CPED1: variants seen among roughly 807,000 people sequenced by gnomAD.
CPED1 encodes cadherin like and PC-esterase domain containing 1, also known as cadherin-like and PC-esterase domain-containing protein 1.
CPED1 carries 114 observed loss-of-function variants against 128.2 expected under a neutral mutation model. That is an observed-to-expected ratio of 0.89 (90% CI 0.76 to 1.04). The LOEUF is 1.04. CPED1 is among the 50% of genes least tolerant of loss of function. The pLI is 0.00. For synonymous variants in CPED1, 462 were observed against 426.7 expected (o/e 1.08, Z -1.02); for missense variants, 1,211 against 1,207.1 (o/e 1.00, Z -0.05).
rs113095921 is a variant in CPED1, at chr7:120,997,947, T to A, written c.249+8077T>A. On this transcript the variant is annotated intron_variant, in intron 2 of 22. Transcript: ENST00000310396. ...CGAAAAAAAATAAAATAAAATAAAA[T>A]AAAATAAAATAAAATAAAATAAAAT... 3.0e-3 allele frequency among the ~76,000 whole-genome samples: 408 copies of A among 135,354 alleles called. 15 individuals are homozygous for A. The highest frequency in any genetic ancestry group is 0.013 in the African/African-American group (392 of 30,420). The allele number at this position is 135,354 out of a possible 152,430, so 88.8% of individuals were successfully genotyped here.
At chr7:121,131,758 T>C (rs1795676310) in intron 12 of CPED1, among the ~76,000 whole-genome samples, 1 of 151,996 alleles carries the variant, frequency 6.6e-6, no homozygotes, top group African/African-American at 2.4e-5. Flanking sequence ...TGAAGACAGG[T>C]TTGAACCCCT....
intron 16 of CPED1, among the ~76,000 whole-genome samples, chr7:121,162,302 T>A (rs772118491): frequency 4.6e-5 from 7 of 152,244 alleles, no homozygotes; most frequent in African/African-American, 1.2e-4. Context: ...CTCCTAATTC[T>A]TCCAAAGAAA....
intron 7 of CPED1, among the ~76,000 whole-genome samples, chr7:121,112,306 A>G (rs1364695033): frequency 6.6e-6 from 1 of 152,196 alleles, no homozygotes; most frequent in South Asian, 2.1e-4. Flanking sequence ...TATCAACATG[A>G]GATCTTCCTA....
intron 16 of CPED1, among the ~76,000 whole-genome samples, chr7:121,203,530 G>A (rs958680988): frequency 2.0e-5 from 3 of 151,988 alleles, no homozygotes; most frequent in Non-Finnish European, 4.4e-5. Context: ...CATCTCAAAG[G>A]CCACAGTGGC....
intron 5 of CPED1, among the ~76,000 whole-genome samples, chr7:121,083,256 A>G (rs1448149020): frequency 6.6e-6 from 1 of 152,190 alleles, no homozygotes; most frequent in Non-Finnish European, 1.5e-5. Context: ...GTCCAGTCTT[A>G]TGCCTGGGAT....
At chr7:121,123,377 G>T (rs1375776339) in intron 7 of CPED1, among the ~76,000 whole-genome samples, 1 of 152,072 alleles carries the variant, frequency 6.6e-6, no homozygotes, top group Non-Finnish European at 1.5e-5. Flanking sequence ...TTTTCACTTT[G>T]CAATCCTGTG....
intron 5 of CPED1, among the ~76,000 whole-genome samples, chr7:121,077,909 G>T (rs1337543592): frequency 6.6e-6 from 1 of 151,692 alleles, no homozygotes; most frequent in Non-Finnish European, 1.5e-5. Context: ...CTCACTTTCA[G>T]GCTTAGAGTA....
chr7:121,130,444 A>G (rs558760510), intron 12 of CPED1, 150 bp downstream of exon 12: 9 of 612,668 alleles, frequency 1.5e-5, no homozygotes, highest in Non-Finnish European at 2.5e-5. Flanking sequence ...GTCTTTAAAC[A>G]TTGAAACCAT....
chr7:121,138,534 A>G lies in CPED1; in HGVS notation c.1700-2293A>G, dbSNP rs537514302. On this transcript the variant is annotated intron_variant, in intron 14 of 22. Transcript: ENST00000310396. Reference sequence around the variant, plus strand: ...CTTTCTGATGAAACCAAAAATAAGCACTTGCTGAAGAGAACGATTGCACAT... The same window carrying G: ...CTTTCTGATGAAACCAAAAATAAGCGCTTGCTGAAGAGAACGATTGCACAT... Among the ~76,000 whole-genome samples the G allele has an allele frequency of 7.2e-5, 11 of 152,176 alleles. No individual in the cohort carries two copies. In the East Asian group the frequency reaches 1.9e-3, roughly 27 times the overall value.
chr7:121,268,040 G>T (rs1344928870), intron 21 of CPED1, among the ~76,000 whole-genome samples: 2 of 152,030 alleles, frequency 1.3e-5, no homozygotes, highest in East Asian at 1.9e-4. Flanking sequence ...GTAGGAAGTG[G>T]CCAAGTTACA....
chr7:121,121,553 A>T (rs1469192786), intron 7 of CPED1, among the ~76,000 whole-genome samples: 1 of 152,226 alleles, frequency 6.6e-6, no homozygotes, highest in African/African-American at 2.4e-5. Flanking sequence ...TTTTATTCAT[A>T]TTTATTTTAT....
At chr7:121,070,140 AT>A (rs927989529) in intron 5 of CPED1, among the ~76,000 whole-genome samples, 3 of 150,694 alleles carry the variant, frequency 2.0e-5, no homozygotes, top group African/African-American at 7.3e-5. Flanking sequence ...TATAGATACT[AT>A]TTACTACCAA....
chr7:120,997,479 C>T (rs778367887), intron 2 of CPED1, among the ~76,000 whole-genome samples: 3 of 152,054 alleles, frequency 2.0e-5, no homozygotes, highest in Admixed American at 6.6e-5. Context: ...AATTGTGTAC[C>T]CCATCCCTGA....
intron 16 of CPED1, among the ~76,000 whole-genome samples, chr7:121,230,984 G>T (rs778757045): frequency 3.7e-4 from 57 of 152,174 alleles, no homozygotes; most frequent in Non-Finnish European, 2.2e-4. Context: ...ATGACTATGT[G>T]TCTGGAAGCC....
At chr7:121,029,345 C>A (rs1293936122) in intron 3 of CPED1, among the ~76,000 whole-genome samples, 1 of 152,088 alleles carries the variant, frequency 6.6e-6, no homozygotes, top group African/African-American at 2.4e-5. Context: ...CCATAAGAAA[C>A]AAATCTCTTA....
Position 121,015,662 on chromosome 7 carries a change from T to A in CPED1, c.250-3T>A, listed in dbSNP as rs1792281721. 6.3e-7 allele frequency: 1 copy of A among 1,592,292 alleles called. No homozygotes were observed. The highest frequency in any genetic ancestry group is 1.8e-5 in the Admixed American group (1 of 54,434). ...ATTGAATTTTTATGCCTTCTTTTCT[T>A]AGGTCAAAGAATCAATGGAGACACA... On this transcript the variant is annotated splice_polypyrimidine_tract_variant and splice_region_variant and intron_variant, in intron 2 of 22. Transcript: ENST00000310396.
chr7:121,144,033 A>C (rs1234305046), intron 16 of CPED1, among the ~76,000 whole-genome samples: 2 of 152,202 alleles, frequency 1.3e-5, no homozygotes, highest in African/African-American at 4.8e-5. Flanking sequence ...GCCAGACATC[A>C]ATAATGAATG....
At position 121,128,432 on chromosome 7, in the gene CPED1, T is replaced by A. The variant is rs751113132; in HGVS notation, c.1353T>A (p.Ile451=). The A allele has an allele frequency of 1.9e-6, 3 of 1,604,990 alleles. No individual in the cohort carries two copies. The Admixed American group carries it at 5.0e-5, about 27-fold the overall frequency. The change falls in exon 11 of 23, where the codon ATT becomes ATA. Residue 451 remains isoleucine (I), a synonymous_variant. Coordinates refer to ENST00000310396, the MANE Select transcript of CPED1 (RefSeq NM_024913.5). The part of the protein sequence containing the change: ...ELNQCLSLEE[I]NSIMTFIKEL... ...ATCAGTGTCTGTCCTTAGAAGAAAT[T>A]AACTCAATTATGACTTTCATAAAGG...
chr7:121,175,619 G>A lies in CPED1; in HGVS notation c.2055+33478G>A, dbSNP rs182902830. 7.0e-4 allele frequency among the ~76,000 whole-genome samples: 106 copies of A among 152,112 alleles called. No individual in the cohort carries two copies. In the Middle Eastern group the frequency reaches 0.014, roughly 20 times the overall value. On this transcript the variant is annotated intron_variant, in intron 16 of 22. Transcript: ENST00000310396. ...TCTTCTATTCTACCTTAGCTAAAAA[G>A]CATCAATGTTATTACTGAAATAACA...
Sources: gnomAD v4.1 joint callset for allele counts (sites outside exome capture counted in the v4.1 genomes callset) on GRCh38, gnomAD v4.1.1 for gene constraint, MANE v1.5 for transcripts, NCBI Gene and HGNC (gene_info 2026-07-23, HGNC 2026-07-21) for gene names.